STK38L: variants seen among roughly 807,000 people sequenced by gnomAD.
STK38L encodes serine/threonine kinase 38 like.
STK38L carries 28 observed loss-of-function variants against 59.7 expected under a neutral mutation model. That is an observed-to-expected ratio of 0.47 (90% CI 0.35 to 0.64). The LOEUF is 0.64. Among genes scored for constraint, STK38L ranks in the 30% least tolerant of loss-of-function variants. STK38L has a pLI of 0.01. For missense variants in STK38L, 314 were observed against 555.8 expected (o/e 0.56, Z 4.37); for synonymous variants, 162 against 176.8 (o/e 0.92, Z 0.66).
chr12:27,269,079 C>T (rs1473976330), intron 1 of STK38L, among the ~76,000 whole-genome samples: 3 of 152,186 alleles, frequency 2.0e-5, no homozygotes, highest in African/African-American at 7.2e-5. Flanking sequence ...TGCCTGTTCA[C>T]TCTGATGGTA....
At position 27,322,378 on chromosome 12, in the gene STK38L, A is replaced by G; in HGVS notation, c.1318A>G (p.Asn440Asp). Residue 440 changes from asparagine to aspartate, a missense_variant, in exon 14 of 14, where the codon AAT (asparagine) becomes GAT (aspartate). Coordinates refer to ENST00000389032, the MANE Select transcript of STK38L (RefSeq NM_015000.4). ...CAAATCCAAAGACTGGGTTTTTCTCAATTATACCTATAAAAGGTTTGAAGG... is the reference window on the plus strand; with the variant it reads ...CAAATCCAAAGACTGGGTTTTTCTCGATTATACCTATAAAAGGTTTGAAGG... ...DYKSKDWVFL[N>D]YTYKRFEGLT... The G allele has an allele frequency of 6.2e-7, 1 of 1,614,034 alleles. No individual in the cohort carries two copies. Among genetic ancestry groups the G allele is most frequent in the South Asian group, 1.1e-5 (1 of 91,082 alleles).
chr12:27,268,309 C>T (rs572255170), intron 1 of STK38L, among the ~76,000 whole-genome samples: 18 of 152,144 alleles, frequency 1.2e-4, no homozygotes, highest in Admixed American at 2.0e-4. Context: ...TGATGTTCCC[C>T]GTCCTGTGTC....
intron 1 of STK38L, among the ~76,000 whole-genome samples, chr12:27,255,124 A>G (rs1424448198): frequency 3.3e-5 from 5 of 152,252 alleles, no homozygotes; most frequent in African/African-American, 1.2e-4. Context: ...TAAAGCTTTA[A>G]GATCTAAATC....
rs540351818 is a variant in STK38L, at chr12:27,249,953, A to G, written c.-12+5621A>G. ...CCTGGGACACTTTTACTGCTTTTGC[A>G]GTTCCTGAATAGGGTGGAGTTAATA... On this transcript the variant is annotated intron_variant, in intron 1 of 13. Coordinates refer to ENST00000389032, the MANE Select transcript of STK38L (RefSeq NM_015000.4). Among the ~76,000 whole-genome samples the G allele has an allele frequency of 4.8e-4, 73 of 152,290 alleles. No individual in the cohort carries two copies. In the South Asian group the frequency reaches 0.015, roughly 31 times the overall value.
chr12:27,263,070 C>T (rs1209501145), intron 1 of STK38L, among the ~76,000 whole-genome samples: 1 of 152,088 alleles, frequency 6.6e-6, no homozygotes, highest in Non-Finnish European at 1.5e-5. Flanking sequence ...GGATTACAGG[C>T]GTAAGTCACT....
At position 27,250,932 on chromosome 12, in the gene STK38L, G is replaced by C. The variant is rs185600406; in HGVS notation, c.-12+6600G>C. Among the ~76,000 whole-genome samples, 377 of 150,630 alleles carry C rather than the reference G, an allele frequency of 2.5e-3. 2 individuals are homozygous for C. Among genetic ancestry groups the C allele is most frequent in the South Asian group, 0.016 (75 of 4,760 alleles). ...GAGAATGGCGTCAACCCGGGAGGTG[G>C]AGCTTGCAGTGAGCTGAGACCACTT... is the stretch of plus-strand genomic sequence containing the variant. On this transcript the variant is annotated intron_variant, in intron 1 of 13. Coordinates refer to ENST00000389032, the MANE Select transcript of STK38L (RefSeq NM_015000.4).
At chr12:27,315,188 T>G (rs1394017271) in intron 8 of STK38L, 71 bp downstream of exon 8, 5 of 1,574,510 alleles carry the variant, frequency 3.2e-6, no homozygotes, top group Non-Finnish European at 4.4e-6. Context: ...TTCTTTCCCT[T>G]TCCCCACTCC....
intron 2 of STK38L, among the ~76,000 whole-genome samples, chr12:27,298,587 T>A (rs1271465236): frequency 1.3e-5 from 2 of 152,182 alleles, no homozygotes; most frequent in African/African-American, 4.8e-5. Context: ...CACATAAATA[T>A]ATAAATGAAA....
rs34286400 is a variant in STK38L at position 27,262,800 on chromosome 12, A to ATTT, written c.-12+18482_-12+18484dup. Among the ~76,000 whole-genome samples, 1,004 of 140,844 alleles carry ATTT rather than the reference A, an allele frequency of 7.1e-3. 12 individuals carry two copies. The highest frequency in any genetic ancestry group is 0.024 in the African/African-American group (898 of 37,962). 92.4% of individuals were successfully genotyped at this position (140,844 alleles called of 152,430 possible). A position where few individuals can be genotyped will look rare whatever the true frequency, so the allele number is the denominator to read the frequency against. On this transcript the variant is annotated intron_variant, in intron 1 of 13. Coordinates refer to ENST00000389032, the MANE Select transcript of STK38L (RefSeq NM_015000.4). ...TATTTGTTATATGTAGACTCTGAGAATTTTTTTTTTTTTTTTGAGATAGAG... is the reference window on the plus strand; with the variant it reads ...TATTTGTTATATGTAGACTCTGAGAATTTTTTTTTTTTTTTTTTTGAGATAGAG...
chr12:27,268,871 G>A (rs1183068318), intron 1 of STK38L, among the ~76,000 whole-genome samples: 1 of 152,184 alleles, frequency 6.6e-6, no homozygotes, highest in Non-Finnish European at 1.5e-5. Flanking sequence ...GATGGCCAGT[G>A]ATGATGAGCA....
intron 1 of STK38L, among the ~76,000 whole-genome samples, chr12:27,283,638 C>T (rs1351170694): frequency 6.6e-6 from 1 of 152,128 alleles, no homozygotes; most frequent in Non-Finnish European, 1.5e-5. Flanking sequence ...TTTCACTTTG[C>T]AATTTGTATA....
chr12:27,249,196 T>A (rs1415555248), intron 1 of STK38L, among the ~76,000 whole-genome samples: 2 of 152,196 alleles, frequency 1.3e-5, no homozygotes, highest in Admixed American at 1.3e-4. Flanking sequence ...TCTGCACAGA[T>A]CTTAGGGAAG....
intron 9 of STK38L, among the ~76,000 whole-genome samples, chr12:27,316,884 C>T (rs1005830549): frequency 6.6e-6 from 1 of 152,078 alleles, no homozygotes; most frequent in African/African-American, 2.4e-5. Context: ...AGAAGCTGAG[C>T]CTCAGAGAAA....
At chr12:27,277,826 A>G (rs1292574410) in intron 1 of STK38L, among the ~76,000 whole-genome samples, 2 of 152,322 alleles carry the variant, frequency 1.3e-5, no homozygotes, top group East Asian at 3.9e-4. Context: ...CTTAAAAAAA[A>G]AAGTCTAGAG....
chr12:27,318,390 C>T (rs2136652185), intron 11 of STK38L, among the ~76,000 whole-genome samples: 1 of 152,270 alleles, frequency 6.6e-6, no homozygotes. Context: ...TGTTCCTCAA[C>T]TAATATGAAG....
At chr12:27,251,126 TTTTC>T (rs1248969766) in intron 1 of STK38L, among the ~76,000 whole-genome samples, 2 of 152,204 alleles carry the variant, frequency 1.3e-5, no homozygotes, top group African/African-American at 4.8e-5. Flanking sequence ...CCACCCCAAG[TTTTC>T]TTTCTTCTCT....
At chr12:27,302,522 A>C (rs1944200567) in intron 3 of STK38L, 1 of 174,498 alleles carries the variant, frequency 5.7e-6, no homozygotes, top group Non-Finnish European at 1.2e-5. Flanking sequence ...TCTCTAGTTC[A>C]GTGCTATTAC....
At chr12:27,278,444 T>G (rs1466764071) in intron 1 of STK38L, among the ~76,000 whole-genome samples, 1 of 152,238 alleles carries the variant, frequency 6.6e-6, no homozygotes, top group Admixed American at 6.5e-5. Flanking sequence ...TAGTCTTAAC[T>G]CTTTTTTCGA....
At chr12:27,254,510 A>C (rs534234996) in intron 1 of STK38L, among the ~76,000 whole-genome samples, 2 of 152,330 alleles carry the variant, frequency 1.3e-5, no homozygotes, top group Non-Finnish European at 1.5e-5. Context: ...AAAGCACTAC[A>C]GATTTCTTTT....
Sources: gnomAD v4.1 joint callset for allele counts (sites outside exome capture counted in the v4.1 genomes callset) on GRCh38, gnomAD v4.1.1 for gene constraint, MANE v1.5 for transcripts, NCBI Gene and HGNC (gene_info 2026-07-23, HGNC 2026-07-21) for gene names.